Variants in CTNNA2 observed in about 807,000 individuals in gnomAD.
CTNNA2 encodes catenin alpha-2.
In CTNNA2, 42 loss-of-function variants were observed where a neutral mutation model predicts 101.0. The ratio of observed to expected loss-of-function variants is 0.42; its 90% CI spans 0.32 to 0.54. CTNNA2 has a LOEUF of 0.54. Ranked by LOEUF, CTNNA2 falls within the 20% of genes least tolerant of loss-of-function variation. CTNNA2 has a pLI of 0.14. For missense variants in CTNNA2, 871 were observed against 1,223.1 expected (o/e 0.71, Z 4.29); for synonymous variants, 450 against 456.4 (o/e 0.99, Z 0.18).
intron 18 of CTNNA2, among the ~76,000 whole-genome samples, chr2:80,634,455 AC>A (rs1672645227): frequency 6.6e-6 from 1 of 151,404 alleles, no homozygotes; most frequent in African/African-American, 2.4e-5. Context: ...TGAGCAGTAA[AC>A]AAGAAACCAG....
intron 3 of CTNNA2, among the ~76,000 whole-genome samples, chr2:79,805,831 G>C (rs1676530475): frequency 6.6e-6 from 1 of 151,998 alleles, no homozygotes; most frequent in African/African-American, 2.4e-5. Flanking sequence ...CCAGCTACTT[G>C]GGAGGCTGAG....
At chr2:80,438,020 A>G (rs1056456088) in intron 9 of CTNNA2, among the ~76,000 whole-genome samples, 2 of 152,192 alleles carry the variant, frequency 1.3e-5, no homozygotes, top group Non-Finnish European at 2.9e-5. Flanking sequence ...AAACAAACAA[A>G]CAAACAAACA....
At chr2:80,005,186 C>T (rs1365929704) in intron 7 of CTNNA2, among the ~76,000 whole-genome samples, 1 of 152,156 alleles carries the variant, frequency 6.6e-6, no homozygotes. Flanking sequence ...ACAGACTCAT[C>T]ATGTTTAGGG....
At chr2:80,252,729 G>A (rs554490834) in intron 7 of CTNNA2, among the ~76,000 whole-genome samples, 1 of 152,110 alleles carries the variant, frequency 6.6e-6, no homozygotes, top group Non-Finnish European at 1.5e-5. Context: ...ATGACTAGTG[G>A]TTGACTGTGC....
At chr2:79,866,440 G>A (rs1682105521) in intron 4 of CTNNA2, 1 of 152,200 alleles carries the variant, frequency 6.6e-6, no homozygotes, top group African/African-American at 2.4e-5. Flanking sequence ...TTTTTAATGG[G>A]AAAGGGTATG....
chr2:80,527,905 C>T (rs890863418), intron 9 of CTNNA2, among the ~76,000 whole-genome samples: 1 of 152,218 alleles, frequency 6.6e-6, no homozygotes, highest in Non-Finnish European at 1.5e-5. Context: ...CTTGTCCATA[C>T]ACAAGGGCGA....
chr2:79,303,605 A>T (rs1676165224), intron 2 of CTNNA2, among the ~76,000 whole-genome samples: 1 of 151,898 alleles, frequency 6.6e-6, no homozygotes, highest in Non-Finnish European at 1.5e-5. Flanking sequence ...CTCTTGTCTG[A>T]CTTCTCTTCA....
At chr2:79,389,961 C>A (rs1678154023) in intron 4 of CTNNA2, among the ~76,000 whole-genome samples, 1 of 152,076 alleles carries the variant, frequency 6.6e-6, no homozygotes, top group African/African-American at 2.4e-5. Flanking sequence ...GGAAGCAGTA[C>A]CTACTCCTTT....
chr2:79,390,249 TAAAC>T (rs1678157782), intron 4 of CTNNA2, among the ~76,000 whole-genome samples: 1 of 152,170 alleles, frequency 6.6e-6, no homozygotes, highest in African/African-American at 2.4e-5. Flanking sequence ...TAAATAGCAA[TAAAC>T]AAACAACTAA....
At chr2:79,599,078 C>G (rs1039592362) in intron 1 of CTNNA2, among the ~76,000 whole-genome samples, 2 of 151,982 alleles carry the variant, frequency 1.3e-5, no homozygotes, top group African/African-American at 4.8e-5. Context: ...CATTCTGTTG[C>G]CTTCTCTCTT....
At chr2:79,950,593 A>T (rs893548288) in intron 7 of CTNNA2, among the ~76,000 whole-genome samples, 1 of 152,196 alleles carries the variant, frequency 6.6e-6, no homozygotes, top group Non-Finnish European at 1.5e-5. Context: ...TGATTTGCTA[A>T]CATATTATAC....
intron 7 of CTNNA2, among the ~76,000 whole-genome samples, chr2:80,034,280 A>G (rs10171387): frequency 0.056 from 8,511 of 152,008 alleles, 333 homozygotes; most frequent in Non-Finnish European, 0.09. Context: ...AAAAGAATAT[A>G]AACAAATAAT....
At chr2:80,393,827 T>G (rs1421897897) in intron 8 of CTNNA2, among the ~76,000 whole-genome samples, 1 of 152,190 alleles carries the variant, frequency 6.6e-6, no homozygotes, top group African/African-American at 2.4e-5. Context: ...ATCATTAGTT[T>G]GATGGGTCTA....
intron 4 of CTNNA2, among the ~76,000 whole-genome samples, chr2:79,486,061 G>C (rs776877769): frequency 7.9e-5 from 12 of 151,964 alleles, no homozygotes; most frequent in Non-Finnish European, 1.5e-4. Flanking sequence ...GATTTAAAAT[G>C]ATTTATTTTA....
At chr2:79,346,765 T>A (rs1237071391) in intron 3 of CTNNA2, among the ~76,000 whole-genome samples, 1 of 152,252 alleles carries the variant, frequency 6.6e-6, no homozygotes, top group Non-Finnish European at 1.5e-5. Flanking sequence ...TATCCTTAGT[T>A]GATTCAGGGA....
chr2:79,852,995 T>C (rs1197612603), intron 3 of CTNNA2, among the ~76,000 whole-genome samples: 2 of 152,174 alleles, frequency 1.3e-5, no homozygotes, highest in Non-Finnish European at 2.9e-5. Context: ...GCCTCCCTAG[T>C]AGCTGGGACT....
intron 4 of CTNNA2, among the ~76,000 whole-genome samples, chr2:79,398,775 A>T (rs957680412): frequency 6.6e-6 from 1 of 152,058 alleles, no homozygotes; most frequent in Admixed American, 6.6e-5. Context: ...CTCAAAAAAA[A>T]ACCTGTCAAA....
At chr2:79,834,346 T>C (rs2105440643) in intron 3 of CTNNA2, among the ~76,000 whole-genome samples, 1 of 152,254 alleles carries the variant, frequency 6.6e-6, no homozygotes, top group Non-Finnish European at 1.5e-5. Flanking sequence ...TATCCAGTAG[T>C]AGATATTCTC....
intron 6 of CTNNA2, among the ~76,000 whole-genome samples, chr2:79,900,217 G>T (rs1684985328): frequency 6.6e-6 from 1 of 152,008 alleles, no homozygotes; most frequent in Admixed American, 6.6e-5. Flanking sequence ...CCTGTTTATA[G>T]GCATTTTAAT....
Sources: gnomAD v4.1 joint callset for allele counts (sites outside exome capture counted in the v4.1 genomes callset) on GRCh38, gnomAD v4.1.1 for gene constraint, MANE v1.5 for transcripts, NCBI Gene and HGNC (gene_info 2026-07-23, HGNC 2026-07-21) for gene names.